Variants in L2HGDH observed in about 807,000 individuals in gnomAD.
L2HGDH encodes L-2-hydroxyglutarate dehydrogenase, also known as L-2-hydroxyglutarate dehydrogenase, mitochondrial.
In L2HGDH, 34 loss-of-function variants were observed where a neutral mutation model predicts 51.5. The ratio of observed to expected loss-of-function variants is 0.66; its 90% CI spans 0.50 to 0.88. L2HGDH has a LOEUF of 0.88. Ranked by LOEUF, L2HGDH falls within the 40% of genes least tolerant of loss-of-function variation. L2HGDH has a pLI of 0.00. For synonymous variants in L2HGDH, 198 were observed against 197.9 expected (o/e 1.00, Z -0.01); for missense variants, 558 against 571.9 (o/e 0.98, Z 0.25).
At chr14:50,308,388 GAA>G (rs71118865) in intron 1 of L2HGDH, among the ~76,000 whole-genome samples, 5,566 of 131,440 alleles carry the variant, frequency 0.042, 212 homozygotes, top group African/African-American at 0.12. Flanking sequence ...CTCCATCTCA[GAA>G]AAAAAAAAAA....
chr14:50,302,424 C>T (rs1471539040), intron 2 of L2HGDH, among the ~76,000 whole-genome samples: 3 of 152,180 alleles, frequency 2.0e-5, no homozygotes, highest in Non-Finnish European at 4.4e-5. Context: ...TCAGGGGCCC[C>T]CTAGGGCTCT....
chr14:50,298,624 G>A (rs1395332818), intron 3 of L2HGDH, among the ~76,000 whole-genome samples: 1 of 152,164 alleles, frequency 6.6e-6, no homozygotes, highest in Non-Finnish European at 1.5e-5. Flanking sequence ...GGGAGGTCAA[G>A]GCTGCAGTGA....
chr14:50,310,936 C>CTTTT (rs34399906), intron 1 of L2HGDH, among the ~76,000 whole-genome samples: 123 of 82,170 alleles, frequency 1.5e-3, no homozygotes, highest in Non-Finnish European at 1.7e-3. Flanking sequence ...CTTTTCTTTT[C>CTTTT]TTTTTTTTTT....
At position 50,246,344 on chromosome 14, in the gene L2HGDH, A is replaced by C. The variant is rs1385201518; in HGVS notation, c.*714T>G. ...AGCGATCCTCCTGCCTCAGCCCCCA[A>C]GTAGCTGGGACTACAGGCACACACC... On this transcript the variant is annotated 3_prime_UTR_variant, in exon 10 of 10. Transcript: ENST00000267436. 1 of 151,278 alleles carries C rather than the reference A, an allele frequency of 6.6e-6. No homozygotes were observed. Among genetic ancestry groups the C allele is most frequent in the African/African-American group, 2.4e-5 (1 of 41,000 alleles). The allele number at this position is 151,278 out of a possible 1,614,324, so 9.4% of individuals were successfully genotyped here.
intron 6 of L2HGDH, among the ~76,000 whole-genome samples, chr14:50,273,231 TC>T (rs1174492547): frequency 6.6e-6 from 1 of 152,108 alleles, no homozygotes; most frequent in Non-Finnish European, 1.5e-5. Flanking sequence ...TGAAGAGAAA[TC>T]TTGGCCAAGG....
intron 1 of L2HGDH, among the ~76,000 whole-genome samples, chr14:50,310,936 C>CTTTTTTTTTT (rs34399906): frequency 3.0e-3 from 244 of 82,238 alleles, no homozygotes; most frequent in Middle Eastern, 9.6e-3. Context: ...CTTTTCTTTT[C>CTTTTTTTTTT]TTTTTTTTTT....
rs1006637999 is a variant in L2HGDH, at chr14:50,243,566, A to C, written c.*3492T>G. 1.3e-6 allele frequency: 1 copy of C among 781,976 alleles called. No homozygotes were observed. Among genetic ancestry groups the C allele is most frequent in the East Asian group, 1.3e-4 (1 of 7,864 alleles). 48.4% of individuals were successfully genotyped at this position (781,976 alleles called of 1,614,324 possible). A position where few individuals can be genotyped will look rare whatever the true frequency, so the allele number is the denominator to read the frequency against. ...TATTATATCAGTATTAAACAAAAAA[A>C]CCCTATTGACATACATATAAAACGT... On this transcript the variant is annotated 3_prime_UTR_variant, in exon 10 of 10. Transcript: ENST00000267436.
chr14:50,258,076 A>C (rs1375559058), intron 9 of L2HGDH, among the ~76,000 whole-genome samples: 6 of 63,362 alleles, frequency 9.5e-5, no homozygotes, highest in Non-Finnish European at 2.2e-4. Context: ...AAAAAGTTAA[A>C]AAAAAAAAAA....
chr14:50,252,233 C>A (rs1008428100), intron 9 of L2HGDH, among the ~76,000 whole-genome samples: 2 of 151,836 alleles, frequency 1.3e-5, no homozygotes, highest in Admixed American at 6.6e-5. Flanking sequence ...ATAGTATTTG[C>A]AAGCCTCATG....
chr14:50,267,192 C>T (rs1476374575), intron 8 of L2HGDH, among the ~76,000 whole-genome samples: 4 of 124,340 alleles, frequency 3.2e-5, no homozygotes, highest in Non-Finnish European at 7.0e-5. Context: ...TTTATTTATT[C>T]ATTTTTTGAG....
chr14:50,277,688 G>A, intron 6 of L2HGDH, among the ~76,000 whole-genome samples: 1 of 151,644 alleles, frequency 6.6e-6, no homozygotes, highest in East Asian at 1.9e-4. Context: ...CAGGAGAATG[G>A]TGTGCACCCG....
intron 9 of L2HGDH, among the ~76,000 whole-genome samples, chr14:50,255,971 C>T (rs370079505): frequency 2.0e-5 from 3 of 151,628 alleles, no homozygotes; most frequent in East Asian, 3.9e-4. Flanking sequence ...CCACTGCACT[C>T]CAGGCTGGGT....
chr14:50,265,132 G>T (rs1889264366), intron 9 of L2HGDH, among the ~76,000 whole-genome samples: 1 of 152,182 alleles, frequency 6.6e-6, no homozygotes, highest in South Asian at 2.1e-4. Flanking sequence ...CTGTAAGGCA[G>T]TCTAGATAAT....
intron 1 of L2HGDH, 142 bp downstream of exon 1, chr14:50,311,869 G>A (rs1299101824): frequency 8.8e-6 from 10 of 1,134,136 alleles, no homozygotes; most frequent in Non-Finnish European, 1.2e-5. Context: ...GTAGCTCCTG[G>A]GATCCGAGGT....
In L2HGDH at chr14:50,258,098, A is replaced by G. The variant is rs1298849024; in HGVS notation, c.1196+7260T>C. Among the ~76,000 whole-genome samples the G allele has an allele frequency of 2.6e-5, 4 of 151,902 alleles. No homozygotes were observed. In the South Asian group the frequency reaches 8.3e-4, roughly 31 times the overall value. ...TAAAAAAAAAAAAAAAAGAAAAAGA[A>G]AGAAAACCAACAGTATAATGAACTC... On this transcript the variant is annotated intron_variant, in intron 9 of 9. Transcript: ENST00000267436.
At chr14:50,293,124 C>T (rs2029869210) in intron 4 of L2HGDH, 1 of 657,002 alleles carries the variant, frequency 1.5e-6, no homozygotes, top group South Asian at 1.6e-5. Context: ...AAAAAAATGG[C>T]TATTATAATT....
chr14:50,282,713 G>A (rs1038093749), intron 5 of L2HGDH, among the ~76,000 whole-genome samples: 3 of 152,112 alleles, frequency 2.0e-5, no homozygotes, highest in African/African-American at 7.2e-5. Context: ...AAAGTCAAAT[G>A]AGTTAATACT....
intron 4 of L2HGDH, among the ~76,000 whole-genome samples, chr14:50,284,779 T>C (rs1465373462): frequency 6.6e-6 from 1 of 152,206 alleles, no homozygotes; most frequent in Non-Finnish European, 1.5e-5. Context: ...CAGGATAACA[T>C]CCAGACGGTG....
rs546981361 is a variant in L2HGDH, at chr14:50,247,472, C to A, written c.1197-219G>T. Among the ~76,000 whole-genome samples the A allele has an allele frequency of 7.2e-5, 11 of 152,258 alleles. No individual in the cohort carries two copies. The South Asian group carries it at 2.3e-3, about 32-fold the overall frequency. The stretch of plus-strand genomic sequence containing the variant: ...AACCTATTACGTAACAATAGTGTAA[C>A]AAACGCTTATCAAAGAAATACATAA... On this transcript the variant is annotated intron_variant, in intron 9 of 9. Coordinates refer to ENST00000267436, the MANE Select transcript of L2HGDH (RefSeq NM_024884.3).
Sources: gnomAD v4.1 joint callset for allele counts (sites outside exome capture counted in the v4.1 genomes callset) on GRCh38, gnomAD v4.1.1 for gene constraint, MANE v1.5 for transcripts, NCBI Gene and HGNC (gene_info 2026-07-23, HGNC 2026-07-21) for gene names.